EREG: variants seen among roughly 807,000 people sequenced by gnomAD.
The protein encoded by EREG is epiregulin, also known as proepiregulin.
In EREG, 23 loss-of-function variants were observed where a neutral mutation model predicts 22.4. The observed-to-expected ratio is 1.03, with a 90% CI of 0.74 to 1.46. EREG has a LOEUF of 1.46. Ranked by LOEUF, EREG falls within the 40% of genes most tolerant of loss-of-function variation. EREG has a pLI of 0.00. For missense variants in EREG, 226 were observed against 205.9 expected (o/e 1.10, Z -0.60); for synonymous variants, 100 against 75.4 (o/e 1.33, Z -1.69).
intron 1 of EREG, among the ~76,000 whole-genome samples, chr4:74,374,511 T>C (rs531971170): frequency 1.9e-4 from 29 of 152,304 alleles, no homozygotes; most frequent in African/African-American, 6.7e-4. Context: ...CACTCCAGTC[T>C]GGGCAAATGA....
At position 74,379,455 on chromosome 4, in the gene EREG, T is replaced by C; in HGVS notation, c.75T>C (p.His25=). 1 of 1,601,378 alleles carries C rather than the reference T, an allele frequency of 6.2e-7. No homozygotes were observed. The highest frequency in any genetic ancestry group is 8.6e-7 in the Non-Finnish European group (1 of 1,168,704). ...VPALLLCLGF[H]LLQAVLSTTV... is the part of the protein sequence containing the mutation. ...ATTTTTCTTCATAAATAGGTTTCCATCTTCTACAGGCAGTCCTCAGTACAA... is the reference window on the plus strand; with the variant it reads ...ATTTTTCTTCATAAATAGGTTTCCACCTTCTACAGGCAGTCCTCAGTACAA... The change falls in exon 2 of 5, where the codon CAT becomes CAC. Residue 25 remains histidine, a synonymous_variant. Coordinates refer to ENST00000244869, the MANE Select transcript of EREG (RefSeq NM_001432.3).
Position 74,375,306 on chromosome 4 carries a change from C to CTT in EREG, c.68-4113_68-4112dup, listed in dbSNP as rs71219383. Among the ~76,000 whole-genome samples the CTT allele has an allele frequency of 3.6e-3, 220 of 61,054 alleles. 20 individuals carry two copies. Among genetic ancestry groups the CTT allele is most frequent in the African/African-American group, 5.9e-3 (82 of 13,846 alleles). 40.1% of individuals were successfully genotyped at this position (61,054 alleles called of 152,430 possible). A position where few individuals can be genotyped will look rare whatever the true frequency, so the allele number is the denominator to read the frequency against. On this transcript the variant is annotated intron_variant, in intron 1 of 4. Coordinates refer to ENST00000244869, the MANE Select transcript of EREG (RefSeq NM_001432.3). Reference sequence around the variant, plus strand: ...CTCATTAAAGTAATGACTAGCGATTCTTTTTTTTTTTTTTTTTTTTTTTTT... The same window carrying CTT: ...CTCATTAAAGTAATGACTAGCGATTCTTTTTTTTTTTTTTTTTTTTTTTTTTT...
At chr4:74,370,229 C>T (rs1017317491) in intron 1 of EREG, among the ~76,000 whole-genome samples, 1 of 152,146 alleles carries the variant, frequency 6.6e-6, no homozygotes, top group Non-Finnish European at 1.5e-5. Context: ...GTCCTATGGC[C>T]CTGTCACACC....
chr4:74,382,896 A>G, intron 4 of EREG, 102 bp downstream of exon 4: 1 of 834,916 alleles, frequency 1.2e-6, no homozygotes, highest in Non-Finnish European at 1.9e-6. Context: ...GAGAGATAAG[A>G]TCAAACCTGT....
chr4:74,378,268 T>G (rs1226557383), intron 1 of EREG, among the ~76,000 whole-genome samples: 3 of 152,030 alleles, frequency 2.0e-5, no homozygotes, highest in Admixed American at 1.3e-4. Context: ...TTTTCAGGAG[T>G]AGGAAGTCAT....
At chr4:74,377,274 C>CA (rs1201113732) in intron 1 of EREG, among the ~76,000 whole-genome samples, 1 of 151,888 alleles carries the variant, frequency 6.6e-6, no homozygotes, top group African/African-American at 2.4e-5. Context: ...TCACGTAGCT[C>CA]AAGTTTTCCT....
chr4:74,366,855 T>C (rs560213270), intron 1 of EREG, among the ~76,000 whole-genome samples: 110 of 152,224 alleles, frequency 7.2e-4, no homozygotes, highest in Non-Finnish European at 1.4e-3. Flanking sequence ...CATTTCCAAA[T>C]GAGTTAGGTC....
intron 2 of EREG, among the ~76,000 whole-genome samples, chr4:74,380,155 T>C (rs144536983): frequency 5.9e-5 from 9 of 152,322 alleles, no homozygotes; most frequent in Non-Finnish European, 1.2e-4. Context: ...ACTGAGTTAT[T>C]TTGAGGAAGC....
intron 1 of EREG, among the ~76,000 whole-genome samples, chr4:74,367,948 C>T (rs903177634): frequency 6.6e-6 from 1 of 152,184 alleles, no homozygotes; most frequent in Admixed American, 6.5e-5. Context: ...GTATTAGGTG[C>T]TTTAAATACA....
chr4:74,384,355 C>G (rs1415822659), intron 4 of EREG, among the ~76,000 whole-genome samples: 1 of 151,674 alleles, frequency 6.6e-6, no homozygotes, highest in Non-Finnish European at 1.5e-5. Flanking sequence ...ATTAATGTAG[C>G]ATGATTTGTA....
intron 1 of EREG, among the ~76,000 whole-genome samples, chr4:74,375,360 C>A (rs1752362924): frequency 8.3e-6 from 1 of 120,494 alleles, no homozygotes; most frequent in African/African-American, 3.2e-5. Context: ...CCTCTGTCGC[C>A]CAGGCTGGAG....
At chr4:74,378,929 A>T (rs147004840) in intron 1 of EREG, among the ~76,000 whole-genome samples, 1 of 152,340 alleles carries the variant, frequency 6.6e-6, no homozygotes, top group Non-Finnish European at 1.5e-5. Context: ...CCTAGCTTTC[A>T]CTGTATTAAT....
intron 1 of EREG, among the ~76,000 whole-genome samples, chr4:74,375,112 G>T (rs932934989): frequency 3.3e-5 from 5 of 151,938 alleles, no homozygotes; most frequent in Non-Finnish European, 7.4e-5. Flanking sequence ...ATTTAGTATC[G>T]TAGTGAATTA....
At chr4:74,380,684 C>T (rs984234950) in intron 2 of EREG, among the ~76,000 whole-genome samples, 5 of 152,182 alleles carry the variant, frequency 3.3e-5, no homozygotes, top group Admixed American at 2.6e-4. Context: ...ACAAATTTTG[C>T]TTGAAGAAAT....
intron 1 of EREG, among the ~76,000 whole-genome samples, chr4:74,371,747 T>C (rs561952329): frequency 6.6e-6 from 1 of 152,222 alleles, no homozygotes; most frequent in African/African-American, 2.4e-5. Flanking sequence ...TACCTATAGA[T>C]AAACATTAAA....
At chr4:74,381,788 AAC>A (rs1752479127) in intron 3 of EREG, 1 of 146,902 alleles carries the variant, frequency 6.8e-6, no homozygotes, top group Admixed American at 6.9e-5. Flanking sequence ...CATCCTGGCG[AAC>A]ACGGTGAAAC....
At chr4:74,379,167 T>G (rs1303897078) in intron 1 of EREG, among the ~76,000 whole-genome samples, 4 of 152,164 alleles carry the variant, frequency 2.6e-5, no homozygotes, top group African/African-American at 9.7e-5. Context: ...AAATCAAACT[T>G]CAAAATCAAA....
rs573631163 is a variant in EREG, at chr4:74,385,629, C to T, written c.*821C>T. ...GCTCAACAGACAATTAGAAAAAAGTCCACACTTGAAGCCTAAATTTGTGCT... is the reference window on the plus strand; with the variant it reads ...GCTCAACAGACAATTAGAAAAAAGTTCACACTTGAAGCCTAAATTTGTGCT... On this transcript the variant is annotated 3_prime_UTR_variant, in exon 5 of 5. Transcript: ENST00000244869. 8 of 336,226 alleles carry T rather than the reference C, an allele frequency of 2.4e-5. No homozygotes were observed. Among genetic ancestry groups the T allele is most frequent in the Non-Finnish European group, 4.3e-5 (8 of 187,426 alleles). The allele number at this position is 336,226 out of a possible 1,614,324, so 20.8% of individuals were successfully genotyped here. A position where few individuals can be genotyped will look rare whatever the true frequency, so the allele number is the denominator to read the frequency against.
At chr4:74,370,785 C>A (rs1038849313) in intron 1 of EREG, among the ~76,000 whole-genome samples, 1 of 152,144 alleles carries the variant, frequency 6.6e-6, no homozygotes, top group Non-Finnish European at 1.5e-5. Flanking sequence ...TTAGAGAAAT[C>A]TAATCCAAAC....
Sources: gnomAD v4.1 joint callset for allele counts (sites outside exome capture counted in the v4.1 genomes callset) on GRCh38, gnomAD v4.1.1 for gene constraint, MANE v1.5 for transcripts, NCBI Gene and HGNC (gene_info 2026-07-23, HGNC 2026-07-21) for gene names.